ADGRB3: variants seen among roughly 807,000 people sequenced by gnomAD.
ADGRB3 encodes brain-specific angiogenesis inhibitor 3.
A neutral mutation model predicts 193.4 loss-of-function variants in ADGRB3; 37 were observed. The observed-to-expected ratio is 0.19, with a 90% CI of 0.15 to 0.25. The LOEUF (loss-of-function observed/expected upper bound fraction) is 0.25. Among genes scored for constraint, ADGRB3 ranks in the 10% least tolerant of loss-of-function variants. ADGRB3 has a pLI of 1.00. For synonymous variants in ADGRB3, 690 were observed against 644.2 expected (o/e 1.07, Z -1.08); for missense variants, 1,637 against 1,852.9 (o/e 0.88, Z 2.14).
At chr6:69,137,410 G>A (rs1774184343) in intron 17 of ADGRB3, among the ~76,000 whole-genome samples, 1 of 151,268 alleles carries the variant, frequency 6.6e-6, no homozygotes, top group Admixed American at 6.6e-5. Context: ...CTGATGCTGT[G>A]GCAAATCAAA....
At chr6:68,680,688 T>C (rs1582119482) in intron 3 of ADGRB3, among the ~76,000 whole-genome samples, 1 of 152,332 alleles carries the variant, frequency 6.6e-6, no homozygotes, top group East Asian at 1.9e-4. Flanking sequence ...ATTGGTCTTA[T>C]AGTTAGTTCA....
chr6:68,963,393 T>C (rs1054926538), intron 8 of ADGRB3, among the ~76,000 whole-genome samples: 23 of 152,268 alleles, frequency 1.5e-4, no homozygotes, highest in Admixed American at 1.2e-3. Flanking sequence ...TATTCTCTCT[T>C]CTTTATAGCC....
intron 3 of ADGRB3, among the ~76,000 whole-genome samples, chr6:68,677,762 C>T (rs1013455143): frequency 2.0e-5 from 3 of 151,924 alleles, no homozygotes; most frequent in African/African-American, 7.3e-5. Flanking sequence ...CATGATCCAA[C>T]ACAGGGCTAA....
At chr6:69,278,222 GA>G (rs546323380) in intron 20 of ADGRB3, among the ~76,000 whole-genome samples, 2 of 152,028 alleles carry the variant, frequency 1.3e-5, no homozygotes, top group Admixed American at 6.6e-5. Flanking sequence ...AGGCATCTTG[GA>G]AAAAAAGTTT....
At chr6:68,874,139 G>A (rs1266895075) in intron 3 of ADGRB3, among the ~76,000 whole-genome samples, 1 of 151,964 alleles carries the variant, frequency 6.6e-6, no homozygotes, top group Non-Finnish European at 1.5e-5. Context: ...ACTGTTGATA[G>A]TATTAGGATT....
At chr6:68,834,741 G>T (rs925588555) in intron 3 of ADGRB3, among the ~76,000 whole-genome samples, 7 of 150,360 alleles carry the variant, frequency 4.7e-5, no homozygotes, top group Admixed American at 3.3e-4. Context: ...AATATATTAT[G>T]GATGGCCACT....
At chr6:69,050,937 C>T (rs962356452) in intron 15 of ADGRB3, among the ~76,000 whole-genome samples, 1 of 152,116 alleles carries the variant, frequency 6.6e-6, no homozygotes, top group African/African-American at 2.4e-5. Context: ...AGCAATGTTG[C>T]ATTATGATAA....
intron 3 of ADGRB3, among the ~76,000 whole-genome samples, chr6:68,704,521 C>A (rs1765293402): frequency 6.6e-6 from 1 of 152,166 alleles, no homozygotes; most frequent in Admixed American, 6.5e-5. Flanking sequence ...TCTCATAACA[C>A]AATATTCTGA....
chr6:68,855,252 A>G (rs969559086), intron 3 of ADGRB3, among the ~76,000 whole-genome samples: 3 of 152,236 alleles, frequency 2.0e-5, no homozygotes, highest in African/African-American at 7.2e-5. Flanking sequence ...TTTAAAGACA[A>G]TAAAAACTCT....
chr6:69,359,489 TAA>T (rs869140773), intron 28 of ADGRB3, among the ~76,000 whole-genome samples: 1 of 105,698 alleles, frequency 9.5e-6, no homozygotes, highest in Admixed American at 8.8e-5. Context: ...CTGCCTAAGA[TAA>T]AGAGACAATA....
chr6:68,920,511 T>TAAA (rs1767008953), intron 3 of ADGRB3, among the ~76,000 whole-genome samples: 1 of 26,308 alleles, frequency 3.8e-5, no homozygotes, highest in Non-Finnish European at 7.5e-5. Context: ...AGACTCTGTA[T>TAAA]CAAAAAAAAA....
intron 6 of ADGRB3, among the ~76,000 whole-genome samples, chr6:68,951,463 C>A (rs1466911911): frequency 6.6e-6 from 1 of 152,094 alleles, no homozygotes; most frequent in Non-Finnish European, 1.5e-5. Context: ...TTATCATCTG[C>A]CCCCACTACA....
intron 20 of ADGRB3, among the ~76,000 whole-genome samples, chr6:69,298,498 A>ATT (rs1401428160): frequency 4.0e-5 from 6 of 151,686 alleles, no homozygotes; most frequent in African/African-American, 1.5e-4. Flanking sequence ...TTCTAACTAT[A>ATT]TTTTTGGGCC....
chr6:68,698,080 GAT>G (rs1765185603), intron 3 of ADGRB3, among the ~76,000 whole-genome samples: 1 of 151,618 alleles, frequency 6.6e-6, no homozygotes, highest in Non-Finnish European at 1.5e-5. Flanking sequence ...GATAGATATA[GAT>G]ACAGATTCAT....
intron 10 of ADGRB3, among the ~76,000 whole-genome samples, chr6:68,987,174 A>C (rs531523635): frequency 6.6e-6 from 1 of 152,264 alleles, no homozygotes; most frequent in African/African-American, 2.4e-5. Flanking sequence ...ATAATTTTAA[A>C]AGGAAATATG....
In ADGRB3 at chr6:68,930,240, T is replaced by A. The variant is rs547773187; in HGVS notation, c.758-319T>A. Among the ~76,000 whole-genome samples the A allele has an allele frequency of 2.0e-5, 3 of 152,168 alleles. No homozygotes were observed. In the South Asian group the frequency reaches 6.2e-4, roughly 32 times the overall value. ...GATTCTCTCTCTAAAAAAACAACAG[T>A]TAACACTGTGGTTGTATTTTTTTCT... On this transcript the variant is annotated intron_variant, in intron 3 of 31. Coordinates refer to ENST00000370598, the MANE Select transcript of ADGRB3 (RefSeq NM_001704.3).
At chr6:69,354,424 T>G in intron 27 of ADGRB3, 96 bp downstream of exon 27, 12 of 1,026,204 alleles carry the variant, frequency 1.2e-5, no homozygotes, top group Non-Finnish European at 1.8e-5. Context: ...AATTTTCATT[T>G]TGATTGACTT....
At chr6:68,697,467 C>T (rs1275481149) in intron 3 of ADGRB3, among the ~76,000 whole-genome samples, 1 of 151,774 alleles carries the variant, frequency 6.6e-6, no homozygotes, top group Non-Finnish European at 1.5e-5. Context: ...TGCTGGATTT[C>T]TTTGTTCTCT....
intron 3 of ADGRB3, among the ~76,000 whole-genome samples, chr6:68,847,516 A>G (rs1023897402): frequency 6.6e-6 from 1 of 152,086 alleles, no homozygotes; most frequent in African/African-American, 2.4e-5. Context: ...TGCTATTCTC[A>G]TGATAGTGAA....
Sources: gnomAD v4.1 joint callset for allele counts (sites outside exome capture counted in the v4.1 genomes callset) on GRCh38, gnomAD v4.1.1 for gene constraint, MANE v1.5 for transcripts, NCBI Gene and HGNC (gene_info 2026-07-23, HGNC 2026-07-21) for gene names.